Variants in G3BP1 observed in about 807,000 individuals in gnomAD.
G3BP1 encodes the protein ras GTPase-activating protein-binding protein 1.
In G3BP1, 35 loss-of-function variants were observed where a neutral mutation model predicts 58.6. The observed-to-expected ratio is 0.60, with a 90% CI of 0.46 to 0.79. The LOEUF is 0.79. Ranked by LOEUF, G3BP1 falls within the 30% of genes least tolerant of loss-of-function variation. The pLI is 0.00. For missense variants in G3BP1, 523 were observed against 580.8 expected, an observed-to-expected ratio of 0.90 and a Z score of 1.02; for synonymous variants, 191 against 195.4, an observed-to-expected ratio of 0.98 and a Z score of 0.19.
chr5:151,789,833 G>T (rs1027837152), intron 2 of G3BP1, among the ~76,000 whole-genome samples: 1 of 152,200 alleles, frequency 6.6e-6, no homozygotes, highest in South Asian at 2.1e-4. Flanking sequence ...TGATCAAGTG[G>T]CATGTAGGGG....
In G3BP1 at chr5:151,797,400, T is replaced by C. The variant is rs748217398; in HGVS notation, c.713T>C (p.Ile238Thr). The change falls in exon 7 of 12, where the codon ATA becomes ACA. Residue 238 changes from isoleucine to threonine, a missense_variant. Ile to Thr is a moderately conservative substitution (Grantham distance 89). Transcript: ENST00000356245. ...AGTTCTTCTCCAGCACCTGCAGACA[T>C]AGCTCAGACAGTACAGGAAGACTTG... is the stretch of plus-strand genomic sequence containing the variant. The part of the protein sequence containing the change: ...QKSSSPAPAD[I>T]AQTVQEDLRT... The C allele has an allele frequency of 1.2e-6, 2 of 1,612,176 alleles. No individual in the cohort carries two copies. Among genetic ancestry groups the C allele is most frequent in the Non-Finnish European group, 1.7e-6 (2 of 1,178,380 alleles).
Position 151,808,029 on chromosome 5 carries a change from A to G in G3BP1, c.*3938A>G, listed in dbSNP as rs975992044. On this transcript the variant is annotated 3_prime_UTR_variant, in exon 12 of 12. Transcript: ENST00000356245. ...TTTATTTGAATATCAGGTTTTAGCT[A>G]ACTGCCTAATGTACCAAAAAAAAAT... 6.6e-6 allele frequency: 1 copy of G among 152,236 alleles called. No individual in the cohort carries two copies. Among genetic ancestry groups the G allele is most frequent in the Non-Finnish European group, 1.5e-5 (1 of 68,036 alleles). 9.4% of individuals were successfully genotyped at this position (152,236 alleles called of 1,614,324 possible). A position where few individuals can be genotyped will look rare whatever the true frequency, so the allele number is the denominator to read the frequency against.
At chr5:151,795,982 A>G (rs1313801017) in intron 6 of G3BP1, among the ~76,000 whole-genome samples, 1 of 152,222 alleles carries the variant, frequency 6.6e-6, no homozygotes, top group African/African-American at 2.4e-5. Context: ...TTAAGTAGCA[A>G]TAAAGAATTT....
chr5:151,788,400 CCTTT>C (rs1020088777), intron 2 of G3BP1, among the ~76,000 whole-genome samples: 11 of 150,856 alleles, frequency 7.3e-5, no homozygotes, highest in Admixed American at 5.3e-4. Context: ...CTGTTTTTAC[CCTTT>C]CTTTCTTTTT....
At position 151,804,036 on chromosome 5, in the gene G3BP1, G is replaced by A. The variant is rs1199694906; in HGVS notation, c.1346G>A (p.Gly449Asp). The change falls in exon 12 of 12, where the codon GGC becomes GAC. Residue 449 changes from glycine (G) to aspartate (D), a missense_variant. Physicochemically the swap from Gly to Asp is moderately conservative, Grantham distance 94. Transcript: ENST00000356245. ...GGAATGAGAGGCCCTCCCCGTGGAG[G>A]CATGGTGCAGAAACCAGGATTTGGA... is the stretch of plus-strand genomic sequence containing the variant. ...GGGMRGPPRG[G>D]MVQKPGFGVG... 1 of 1,613,116 alleles carries A rather than the reference G, an allele frequency of 6.2e-7. No individual in the cohort carries two copies. The highest frequency in any genetic ancestry group is 8.5e-7 in the Non-Finnish European group (1 of 1,179,612).
intron 1 of G3BP1, among the ~76,000 whole-genome samples, chr5:151,779,542 A>G (rs936851907): frequency 3.9e-5 from 6 of 152,188 alleles, no homozygotes; most frequent in South Asian, 2.1e-4. Context: ...CTGTGTATCT[A>G]TGTACGGTAT....
At chr5:151,801,624 T>C (rs1335152750) in intron 11 of G3BP1, among the ~76,000 whole-genome samples, 1 of 152,178 alleles carries the variant, frequency 6.6e-6, no homozygotes, top group Non-Finnish European at 1.5e-5. Flanking sequence ...AAAAGTTTTT[T>C]ACTAAAAGCC....
intron 1 of G3BP1, among the ~76,000 whole-genome samples, chr5:151,774,280 T>C (rs1762328500): frequency 6.6e-6 from 1 of 152,088 alleles, no homozygotes; most frequent in Admixed American, 6.5e-5. Context: ...AGGGGAACAT[T>C]AGGAGATTTT....
At chr5:151,787,961 G>C (rs1036065650) in intron 2 of G3BP1, among the ~76,000 whole-genome samples, 1 of 151,898 alleles carries the variant, frequency 6.6e-6, no homozygotes, top group African/African-American at 2.4e-5. Context: ...AGTCTCAGCT[G>C]TCTCCCGGGC....
intron 1 of G3BP1, among the ~76,000 whole-genome samples, chr5:151,783,463 A>G (rs1762506172): frequency 6.6e-6 from 1 of 150,460 alleles, no homozygotes; most frequent in African/African-American, 2.5e-5. Flanking sequence ...GGTGGAGTGC[A>G]GTGGTGTAAT....
At chr5:151,783,701 A>T (rs1020135808) in intron 1 of G3BP1, among the ~76,000 whole-genome samples, 6 of 151,620 alleles carry the variant, frequency 4.0e-5, no homozygotes, top group African/African-American at 9.7e-5. Context: ...TTTAACTGAG[A>T]ATAACAAAAT....
At chr5:151,791,625 G>A (rs1762654300) in intron 4 of G3BP1, 1 of 156,182 alleles carries the variant, frequency 6.4e-6, no homozygotes, top group Non-Finnish European at 1.4e-5. Flanking sequence ...GATTAGTTAG[G>A]TTTTGCCACT....
At chr5:151,795,264 C>T (rs1305647079) in intron 5 of G3BP1, among the ~76,000 whole-genome samples, 2 of 152,218 alleles carry the variant, frequency 1.3e-5, no homozygotes, top group East Asian at 1.9e-4. Context: ...GGCGAGAGAG[C>T]GAGACTCCGT....
At position 151,804,659 on chromosome 5, in the gene G3BP1, G is replaced by T. The variant is rs1281691818; in HGVS notation, c.*568G>T. The T allele has an allele frequency of 2.0e-5, 3 of 152,428 alleles. No individual in the cohort carries two copies. Among genetic ancestry groups the T allele is most frequent in the African/African-American group, 4.8e-5 (2 of 41,384 alleles). The allele number at this position is 152,428 out of a possible 1,614,324, so 9.4% of individuals were successfully genotyped here. ...GTTTAAAAACTGAATAAAAGGAATA[G>T]AATTTTTTTTTGATAAAGGATCACA... is the stretch of plus-strand genomic sequence containing the variant. On this transcript the variant is annotated 3_prime_UTR_variant, in exon 12 of 12. Transcript: ENST00000356245.
At chr5:151,783,322 T>G (rs1056780938) in intron 1 of G3BP1, among the ~76,000 whole-genome samples, 7 of 152,204 alleles carry the variant, frequency 4.6e-5, no homozygotes, top group Admixed American at 3.9e-4. Flanking sequence ...GATGACAATT[T>G]TTTAGGATTT....
At chr5:151,778,945 T>C (rs75207361) in intron 1 of G3BP1, among the ~76,000 whole-genome samples, 1,984 of 151,900 alleles carry the variant, frequency 0.013, 35 homozygotes, top group African/African-American at 0.038. Flanking sequence ...TAATCCCAGC[T>C]GCTTGAGAAA....
At position 151,805,192 on chromosome 5, in the gene G3BP1, G is replaced by A. The variant is rs1312657942; in HGVS notation, c.*1101G>A. On this transcript the variant is annotated 3_prime_UTR_variant, in exon 12 of 12. Transcript: ENST00000356245. The stretch of plus-strand genomic sequence containing the variant: ...AAGAAGGAATGTTACTTTAATATTG[G>A]ACTTTGCTCATGTGCTCGTGTCCGC... 4 of 152,328 alleles carry A rather than the reference G, an allele frequency of 2.6e-5. No individual in the cohort carries two copies. The highest frequency in any genetic ancestry group is 5.9e-5 in the Non-Finnish European group (4 of 67,974). 9.4% of individuals were successfully genotyped at this position (152,328 alleles called of 1,614,324 possible).
In G3BP1 at chr5:151,806,949, G is replaced by A. The variant is rs1037203496; in HGVS notation, c.*2858G>A. The A allele has an allele frequency of 6.6e-6, 1 of 152,106 alleles. No individual in the cohort carries two copies. Among genetic ancestry groups the A allele is most frequent in the Non-Finnish European group, 1.5e-5 (1 of 68,004 alleles). The allele number at this position is 152,106 out of a possible 1,614,324, so 9.4% of individuals were successfully genotyped here. A position where few individuals can be genotyped will look rare whatever the true frequency, so the allele number is the denominator to read the frequency against. ...CCTCATGAGTATTTTAGTTAGATAA[G>A]ATTTGTTTGGTTCAGTGGGTCTTAG... On this transcript the variant is annotated 3_prime_UTR_variant, in exon 12 of 12. Coordinates refer to ENST00000356245, the MANE Select transcript of G3BP1 (RefSeq NM_005754.3).
Position 151,776,532 on chromosome 5 carries a change from C to T in G3BP1, c.-50+4496C>T, listed in dbSNP as rs149849192. Among the ~76,000 whole-genome samples, 759 of 152,154 alleles carry T rather than the reference C, an allele frequency of 5.0e-3. 6 individuals are homozygous for T. The highest frequency in any genetic ancestry group is 7.8e-3 in the Non-Finnish European group (530 of 68,010). On this transcript the variant is annotated intron_variant, in intron 1 of 11. Coordinates refer to ENST00000356245, the MANE Select transcript of G3BP1 (RefSeq NM_005754.3). ...TTAATTTTAGCATTTTAATGGATCT[C>T]GTCTGCAGCTATTATTACTTCGGGG...
Sources: gnomAD v4.1 joint callset for allele counts (sites outside exome capture counted in the v4.1 genomes callset) on GRCh38, gnomAD v4.1.1 for gene constraint, MANE v1.5 for transcripts, NCBI Gene and HGNC (gene_info 2026-07-23, HGNC 2026-07-21) for gene names.